VPS13D: variants seen among roughly 807,000 people sequenced by gnomAD.
VPS13D encodes vacuolar protein sorting 13 homolog D.
A neutral mutation model predicts 461.9 loss-of-function variants in VPS13D; 187 were observed. The ratio of observed to expected loss-of-function variants is 0.40; its 90% CI spans 0.36 to 0.46. The LOEUF (loss-of-function observed/expected upper bound fraction) is 0.46, where lower values mean the gene tolerates loss of function less well. Among genes scored for constraint, VPS13D ranks in the 20% least tolerant of loss-of-function variants. The pLI is 0.60. For missense variants in VPS13D, 4,711 were observed against 5,364.9 expected, an observed-to-expected ratio of 0.88 and a Z score of 3.81; for synonymous variants, 1,951 against 1,986.3, an observed-to-expected ratio of 0.98 and a Z score of 0.47.
At chr1:12,474,171 A>G (rs1645599304) in intron 67 of VPS13D, among the ~76,000 whole-genome samples, 2 of 152,156 alleles carry the variant, frequency 1.3e-5, no homozygotes, top group African/African-American at 4.8e-5. Flanking sequence ...ACCGAGAATG[A>G]TGGAGTGCTT....
intron 29 of VPS13D, 39 bp from the exon 30 acceptor site, chr1:12,314,074 TTG>T (rs372430330): frequency 1.3e-6 from 2 of 1,572,536 alleles, no homozygotes; most frequent in African/African-American, 2.7e-5. Context: ...AATGGAAGAG[TTG>T]TGTTTCACAT....
intron 66 of VPS13D, among the ~76,000 whole-genome samples, chr1:12,458,769 C>G (rs1254128338): frequency 5.3e-5 from 8 of 152,228 alleles, no homozygotes; most frequent in Non-Finnish European, 1.0e-4. Context: ...GTCCCTGGCA[C>G]AGGTCCTGGA....
rs149168452 is a variant in VPS13D, at chr1:12,288,830, C to A, written c.5725+517C>A. ...GGTGTTATGCAGGAGGACATTGTAG[C>A]AAAGCTGGCATTCTTTATTCTGTGT... On this transcript the variant is annotated intron_variant, in intron 22 of 69. Transcript: ENST00000620676. 4.4e-3 allele frequency among the ~76,000 whole-genome samples: 671 copies of A among 152,112 alleles called. 3 individuals carry two copies. The highest frequency in any genetic ancestry group is 0.015 in the African/African-American group (639 of 41,504).
chr1:12,437,808 C>T (rs1645080654), intron 65 of VPS13D, among the ~76,000 whole-genome samples: 1 of 152,166 alleles, frequency 6.6e-6, no homozygotes, highest in Non-Finnish European at 1.5e-5. Context: ...TTCCTGTGGA[C>T]TTCTTGGAAC....
At chr1:12,291,642 A>AC (rs1642135056) in intron 23 of VPS13D, among the ~76,000 whole-genome samples, 1 of 152,090 alleles carries the variant, frequency 6.6e-6, no homozygotes, top group South Asian at 2.1e-4. Flanking sequence ...ACGCACACCC[A>AC]CCCCAGATAG....
intron 17 of VPS13D, 114 bp downstream of exon 17, chr1:12,271,238 TA>T: frequency 7.6e-7 from 1 of 1,322,788 alleles, no homozygotes; most frequent in South Asian, 1.4e-5. Context: ...GCTGACTGAG[TA>T]AACTGAAAAT....
chr1:12,429,968 C>G (rs1644970875), intron 65 of VPS13D, among the ~76,000 whole-genome samples: 1 of 152,114 alleles, frequency 6.6e-6, no homozygotes, highest in African/African-American at 2.4e-5. Context: ...TAAACATTTC[C>G]TGCAAGCTGT....
At chr1:12,464,940 A>G (rs1645462179) in intron 67 of VPS13D, 1 of 152,222 alleles carries the variant, frequency 6.6e-6, no homozygotes, top group East Asian at 1.9e-4. Context: ...TGAAAATGGC[A>G]CAGATGCAGC....
At chr1:12,303,301 G>A (rs1642475309) in intron 25 of VPS13D, among the ~76,000 whole-genome samples, 1 of 152,096 alleles carries the variant, frequency 6.6e-6, no homozygotes, top group Non-Finnish European at 1.5e-5. Flanking sequence ...TTTTGCATAT[G>A]CTTTTATTTC....
intron 68 of VPS13D, 75 bp downstream of exon 68, chr1:12,497,706 T>G: frequency 6.6e-7 from 1 of 1,517,940 alleles, no homozygotes. Flanking sequence ...GAAGTCTCCA[T>G]CTGATCTGAG....
intron 23 of VPS13D, 68 bp downstream of exon 23, chr1:12,291,192 G>T: frequency 6.5e-7 from 1 of 1,542,062 alleles, no homozygotes. Context: ...ATTCTTGTTG[G>T]CTAGACAATA....
intron 66 of VPS13D, among the ~76,000 whole-genome samples, chr1:12,457,183 A>G (rs1208726190): frequency 1.3e-5 from 2 of 152,094 alleles, no homozygotes; most frequent in Admixed American, 6.5e-5. Context: ...AATCCAGCCA[A>G]TTTTCCAACC....
chr1:12,312,058 T>A, intron 29 of VPS13D, 133 bp downstream of exon 29: 5 of 558,312 alleles, frequency 9.0e-6, no homozygotes, highest in Non-Finnish European at 2.9e-6. Flanking sequence ...TGTCTTTTGG[T>A]TGATCTACAC....
chr1:12,353,872 A>T (rs1643863762), intron 46 of VPS13D, 102 bp from the exon 47 acceptor site: 11 of 1,241,730 alleles, frequency 8.9e-6, no homozygotes, highest in Non-Finnish European at 1.2e-5. Flanking sequence ...AATTTTACTC[A>T]TTGAACCATC....
chr1:12,254,739 G>A lies in VPS13D; in HGVS notation c.669+913G>A, dbSNP rs535529394. On this transcript the variant is annotated intron_variant, in intron 7 of 69. Coordinates refer to ENST00000620676, the MANE Select transcript of VPS13D (RefSeq NM_015378.4). ...GGGTTTCGCCATATTGGCCAGGCCG[G>A]CTGGTCTCGAACTCCTGACCTCAAG... 4.0e-5 allele frequency among the ~76,000 whole-genome samples: 6 copies of A among 151,878 alleles called. No homozygotes were observed. In the South Asian group the frequency reaches 1.3e-3, roughly 32 times the overall value.
At chr1:12,234,946 A>G (rs1014816152) in intron 2 of VPS13D, among the ~76,000 whole-genome samples, 2 of 152,260 alleles carry the variant, frequency 1.3e-5, no homozygotes, top group Admixed American at 6.5e-5. Flanking sequence ...CTGAAGCTTC[A>G]GACATTTTAC....
At chr1:12,381,927 TTTCTTTCTTTCTTTCTTTCTTTC>T (rs1385377776) in intron 57 of VPS13D, among the ~76,000 whole-genome samples, 4 of 28,744 alleles carry the variant, frequency 1.4e-4, no homozygotes, top group Non-Finnish European at 2.3e-4. Flanking sequence ...TTTTCTTTTC[TTTCTTTCTTTCTTTCTTTCTTTC>T]TTTCTTTCTT....
At chr1:12,389,073 T>A (rs907619830) in intron 60 of VPS13D, among the ~76,000 whole-genome samples, 3 of 152,096 alleles carry the variant, frequency 2.0e-5, no homozygotes, top group African/African-American at 7.2e-5. Context: ...CCAGTCCGAG[T>A]CCCAAAACTG....
intron 46 of VPS13D, among the ~76,000 whole-genome samples, chr1:12,351,675 T>C (rs1643798846): frequency 6.6e-6 from 1 of 151,636 alleles, no homozygotes; most frequent in Non-Finnish European, 1.5e-5. Context: ...CACTGCAGCC[T>C]CCGCCTCCCA....
Sources: gnomAD v4.1 joint callset for allele counts (sites outside exome capture counted in the v4.1 genomes callset) on GRCh38, gnomAD v4.1.1 for gene constraint, MANE v1.5 for transcripts, NCBI Gene and HGNC (gene_info 2026-07-23, HGNC 2026-07-21) for gene names.